The following TECR variants were observed in gnomAD, a reference collection of about 807,000 sequenced individuals.
The protein encoded by TECR is very-long-chain enoyl-CoA reductase.
TECR carries 19 observed loss-of-function variants against 50.6 expected under a neutral mutation model. That is an observed-to-expected ratio of 0.38 (90% CI 0.26 to 0.55). The LOEUF is 0.55. Ranked by LOEUF, TECR falls within the 20% of genes least tolerant of loss-of-function variation. The probability of loss-of-function intolerance (pLI) is 0.79; values close to 1 mark genes in which losing one functional copy is unlikely to be tolerated. For synonymous variants in TECR, 168 were observed against 163.5 expected, an observed-to-expected ratio of 1.03 and a Z score of -0.21; for missense variants, 313 against 408.3, an observed-to-expected ratio of 0.77 and a Z score of 2.01.
At chr19:14,549,670 C>T (rs1295071739) in intron 1 of TECR, among the ~76,000 whole-genome samples, 1 of 151,916 alleles carries the variant, frequency 6.6e-6, no homozygotes, top group African/African-American at 2.4e-5. Context: ...GTAGGCCAGG[C>T]GCAGTGGCTC....
chr19:14,565,222 C>T lies in TECR; in HGVS notation c.685C>T (p.Pro229Ser), dbSNP rs766536818. Residue 229 changes from proline (P) to serine (S), a missense_variant, in exon 11 of 13, where the codon CCA becomes TCA. Coordinates refer to ENST00000215567, the MANE Select transcript of TECR (RefSeq NM_138501.6). Reference sequence around the variant, plus strand: ...GCCAGGGTCCAAGACGCGGAAGATCCCATACCCCACCAAGAACCCCTTCAC... The same window carrying T: ...GCCAGGGTCCAAGACGCGGAAGATCTCATACCCCACCAAGAACCCCTTCAC... ...RPAGSKTRKI[P>S]YPTKNPFTWL... 6.2e-7 allele frequency: 1 copy of T among 1,614,064 alleles called. No individual in the cohort carries two copies. Among genetic ancestry groups the T allele is most frequent in the Non-Finnish European group, 8.5e-7 (1 of 1,180,020 alleles).
intron 1 of TECR, 187 bp downstream of exon 1, chr19:14,529,898 T>C (rs1299766318): frequency 2.5e-6 from 2 of 810,116 alleles, no homozygotes; most frequent in Non-Finnish European, 4.0e-6. Flanking sequence ...GCAGGAAGTA[T>C]TTATAAATCT....
intron 1 of TECR, among the ~76,000 whole-genome samples, chr19:14,538,954 T>C (rs909215366): frequency 6.6e-6 from 1 of 150,772 alleles, no homozygotes; most frequent in African/African-American, 2.4e-5. Flanking sequence ...TTTGATATAA[T>C]GTCACACACC....
intron 1 of TECR, among the ~76,000 whole-genome samples, chr19:14,532,838 G>A (rs1339355510): frequency 6.6e-6 from 1 of 152,174 alleles, no homozygotes; most frequent in Non-Finnish European, 1.5e-5. Flanking sequence ...GGCCGGGCGA[G>A]GTGGCTCATG....
Position 14,565,054 on chromosome 19 carries a change from C to T in TECR, c.607-12C>T. On this transcript the variant is annotated splice_polypyrimidine_tract_variant and intron_variant, in intron 9 of 12. Transcript: ENST00000215567. ...TCTGGGCGGCCCTAGGCTGATCCTGCTTCTCTGACAGATCTGCCAGCTCGG... is the reference window on the plus strand; with the variant it reads ...TCTGGGCGGCCCTAGGCTGATCCTGTTTCTCTGACAGATCTGCCAGCTCGG... The T allele has an allele frequency of 6.2e-7, 1 of 1,613,920 alleles. No homozygotes were observed. Among genetic ancestry groups the T allele is most frequent in the Non-Finnish European group, 8.5e-7 (1 of 1,180,032 alleles).
chr19:14,550,405 C>T (rs779776938), intron 1 of TECR, among the ~76,000 whole-genome samples: 1 of 152,082 alleles, frequency 6.6e-6, no homozygotes, highest in African/African-American at 2.4e-5. Context: ...CTCGGGCAGT[C>T]GGGGGTTGGC....
chr19:14,562,242 G>A (rs904251488), intron 1 of TECR: 10 of 602,522 alleles, frequency 1.7e-5, no homozygotes, highest in African/African-American at 7.4e-5. Context: ...GGGCCGGCAC[G>A]GGCTCCTTTC....
intron 7 of TECR, 140 bp downstream of exon 7, chr19:14,564,427 T>G (rs1355430912): frequency 6.1e-6 from 4 of 651,134 alleles, no homozygotes; most frequent in Non-Finnish European, 1.0e-5. Flanking sequence ...CCGCCTAACC[T>G]CCCCAGCCCC....
chr19:14,553,921 G>A (rs908331080), intron 1 of TECR, among the ~76,000 whole-genome samples: 1 of 152,168 alleles, frequency 6.6e-6, no homozygotes, highest in Non-Finnish European at 1.5e-5. Context: ...GCACTGACCA[G>A]GGCTCGCACC....
intron 1 of TECR, among the ~76,000 whole-genome samples, chr19:14,545,541 AC>A (rs1297814246): frequency 6.6e-6 from 1 of 151,986 alleles, no homozygotes; most frequent in East Asian, 1.9e-4. Flanking sequence ...AGTCGTGCGC[AC>A]TGTCATATCC....
chr19:14,561,566 G>A (rs969834414), intron 1 of TECR, among the ~76,000 whole-genome samples: 4 of 152,156 alleles, frequency 2.6e-5, no homozygotes, highest in South Asian at 2.1e-4. Flanking sequence ...TTAGTGGGGC[G>A]CAGGTCCTGG....
intron 1 of TECR, among the ~76,000 whole-genome samples, chr19:14,540,904 G>T (rs2161626): frequency 0.016 from 2,390 of 152,054 alleles, 48 homozygotes; most frequent in African/African-American, 0.052. Context: ...GAGTGATCTC[G>T]ATTCACTGCA....
chr19:14,529,246 G>T, upstream of TECR: 1 of 296,490 alleles, frequency 3.4e-6, no homozygotes, highest in Non-Finnish European at 6.8e-6. Context: ...CTGTCATGTG[G>T]ATGCTGCCTT....
At chr19:14,541,758 C>T (rs1265611287) in intron 1 of TECR, among the ~76,000 whole-genome samples, 1 of 151,690 alleles carries the variant, frequency 6.6e-6, no homozygotes, top group Non-Finnish European at 1.5e-5. Flanking sequence ...TGTAGCCACC[C>T]AGAGAGACCT....
At position 14,540,958 on chromosome 19, in the gene TECR, C is replaced by T. The variant is rs10404157; in HGVS notation, c.15+11247C>T. On this transcript the variant is annotated intron_variant, in intron 1 of 12. Coordinates refer to ENST00000215567, the MANE Select transcript of TECR (RefSeq NM_138501.6). ...CAAGCCATTCTTTTGCCTCAGGCTC[C>T]GGAGTAACTGGGACTACAGGCCACA... 2.1e-3 allele frequency among the ~76,000 whole-genome samples: 324 copies of T among 151,926 alleles called. 2 individuals carry two copies. Among genetic ancestry groups the T allele is most frequent in the Middle Eastern group, 6.8e-3 (2 of 292 alleles).
intron 1 of TECR, among the ~76,000 whole-genome samples, chr19:14,543,170 C>T (rs2073159292): frequency 6.7e-6 from 1 of 149,396 alleles, no homozygotes; most frequent in African/African-American, 2.5e-5. Context: ...CTCCAGGCTC[C>T]TTGTGGGGAG....
At chr19:14,564,332 C>T (rs1277208866) in intron 7 of TECR, 45 bp downstream of exon 7, 14 of 1,377,216 alleles carry the variant, frequency 1.0e-5, no homozygotes, top group Non-Finnish European at 1.3e-5. Context: ...GCCTTTCTGC[C>T]CCACCCCGCC....
rs771584929 is a variant in TECR at position 14,529,797 on chromosome 19, G to T, written c.15+86G>T. 8.2e-6 allele frequency: 13 copies of T among 1,593,174 alleles called. No individual in the cohort carries two copies. The Admixed American group carries it at 8.5e-5, about 10-fold the overall frequency. On this transcript the variant is annotated intron_variant, in intron 1 of 12. Coordinates refer to ENST00000215567, the MANE Select transcript of TECR (RefSeq NM_138501.6). Reference sequence around the variant, plus strand: ...CGGGACCACGGGACCCCACTTTCTGGTCCTGTGCCCCGAAGGAAGAGCCAG... The same window carrying T: ...CGGGACCACGGGACCCCACTTTCTGTTCCTGTGCCCCGAAGGAAGAGCCAG...
In TECR at chr19:14,565,757, C is replaced by T. The variant is rs141619383; in HGVS notation, c.813C>T (p.Ser271=). 5.7e-3 allele frequency: 9,138 copies of T among 1,612,056 alleles called. 37 individuals carry two copies. Among genetic ancestry groups the T allele is most frequent in the Non-Finnish European group, 6.6e-3 (7,731 of 1,179,646 alleles). ...MTQCLPVALF[S]LVGFTQMTIW... is the part of the protein sequence containing the mutation. ...TCTTTCCTGCAGTGGCCCTGTTCTCCCTGGTGGGCTTCACCCAGATGACCA... is the reference window on the plus strand; with the variant it reads ...TCTTTCCTGCAGTGGCCCTGTTCTCTCTGGTGGGCTTCACCCAGATGACCA... The change falls in exon 13 of 13, where the codon TCC becomes TCT. Residue 271 remains serine (S), a synonymous_variant. Coordinates refer to ENST00000215567, the MANE Select transcript of TECR (RefSeq NM_138501.6).
Sources: gnomAD v4.1 joint callset for allele counts (sites outside exome capture counted in the v4.1 genomes callset) on GRCh38, gnomAD v4.1.1 for gene constraint, MANE v1.5 for transcripts, NCBI Gene and HGNC (gene_info 2026-07-23, HGNC 2026-07-21) for gene names.